The following FAM107B variants were observed in gnomAD, a reference collection of about 807,000 sequenced individuals.
The protein encoded by FAM107B is family with sequence similarity 107 member B, also known as protein FAM107B.
Under a neutral mutation model 31.5 loss-of-function variants are expected in FAM107B, and 21 were observed. The observed-to-expected ratio is 0.67, with a 90% confidence interval of 0.47 to 0.96. The LOEUF (loss-of-function observed/expected upper bound fraction) is 0.96, where lower values mean the gene tolerates loss of function less well. FAM107B is among the 40% of genes least tolerant of loss of function. FAM107B has a pLI of 0.00. For missense variants in FAM107B, 452 were observed against 377.1 expected (o/e 1.20, Z -1.64); for synonymous variants, 157 against 141.5 (o/e 1.11, Z -0.78).
chr10:14,666,837 A>T, intron 2 of FAM107B, among the ~76,000 whole-genome samples: 1 of 152,138 alleles, frequency 6.6e-6, no homozygotes, highest in African/African-American at 2.4e-5. Context: ...TCTATACCAG[A>T]GTAGGGTGCT....
intron 2 of FAM107B, among the ~76,000 whole-genome samples, chr10:14,629,449 T>TTTA (rs1853284913): frequency 5.3e-5 from 1 of 18,982 alleles, no homozygotes; most frequent in Non-Finnish European, 8.8e-5. Flanking sequence ...ATATATATTA[T>TTTA]ATATATATTA....
intron 1 of FAM107B, among the ~76,000 whole-genome samples, chr10:14,750,964 T>C (rs1482884078): frequency 2.6e-5 from 4 of 152,128 alleles, no homozygotes; most frequent in Non-Finnish European, 2.9e-5. Flanking sequence ...ATGGGGGAGC[T>C]TGGCCTCCAG....
chr10:14,766,640 C>T (rs990734349), intron 1 of FAM107B, among the ~76,000 whole-genome samples: 1 of 151,978 alleles, frequency 6.6e-6, no homozygotes, highest in Non-Finnish European at 1.5e-5. Context: ...TGTAAGAGGA[C>T]TAGCAGGATC....
chr10:14,582,489 G>C (rs1173670936), intron 2 of FAM107B, among the ~76,000 whole-genome samples: 1 of 144,460 alleles, frequency 6.9e-6, no homozygotes, highest in East Asian at 2.1e-4. Flanking sequence ...CAATTCTCCT[G>C]CCTCAGCCTC....
At chr10:14,562,539 AC>A (rs1224673102) in intron 2 of FAM107B, among the ~76,000 whole-genome samples, 2 of 152,256 alleles carry the variant, frequency 1.3e-5, no homozygotes, top group African/African-American at 4.8e-5. Context: ...ACAAAGAAAT[AC>A]AAACATGATG....
intron 2 of FAM107B, among the ~76,000 whole-genome samples, chr10:14,539,428 T>A (rs1277269445): frequency 6.6e-6 from 1 of 152,148 alleles, no homozygotes. Context: ...AAAGTCTGCA[T>A]CTTGGCTAAA....
At chr10:14,657,516 C>G (rs1462591837) in intron 2 of FAM107B, among the ~76,000 whole-genome samples, 4 of 152,190 alleles carry the variant, frequency 2.6e-5, no homozygotes, top group Non-Finnish European at 1.5e-5. Flanking sequence ...TCTTCACCCC[C>G]ACCCCTGGTC....
intron 1 of FAM107B, among the ~76,000 whole-genome samples, chr10:14,683,949 G>T (rs7088580): frequency 0.24 from 37,152 of 152,104 alleles, 5,204 homozygotes; most frequent in East Asian, 0.5. Context: ...CGTGTCTTAG[G>T]CCATTTGGGC....
At chr10:14,524,876 T>G (rs1447953805) in intron 3 of FAM107B, among the ~76,000 whole-genome samples, 1 of 152,260 alleles carries the variant, frequency 6.6e-6, no homozygotes, top group East Asian at 1.9e-4. Context: ...CACATTTGGC[T>G]GACACTCTAT....
intron 2 of FAM107B, chr10:14,604,488 T>C (rs181722085): frequency 0.24 from 36,901 of 150,832 alleles, 4,973 homozygotes; most frequent in East Asian, 0.4. Flanking sequence ...CGCCCCGCCC[T>C]GGCAGCCCCG....
At chr10:14,566,016 C>G (rs1159802415) in intron 2 of FAM107B, among the ~76,000 whole-genome samples, 4 of 152,236 alleles carry the variant, frequency 2.6e-5, no homozygotes, top group African/African-American at 9.6e-5. Context: ...GGGACCTTCA[C>G]AGCCCCCATG....
At chr10:14,712,314 G>A (rs140642844) in intron 1 of FAM107B, among the ~76,000 whole-genome samples, 323 of 152,136 alleles carry the variant, frequency 2.1e-3, no homozygotes, top group African/African-American at 6.9e-3. Context: ...AGTTGGGGCC[G>A]GGTGCGTGGC....
intron 2 of FAM107B, among the ~76,000 whole-genome samples, chr10:14,617,352 C>G (rs1431149963): frequency 2.6e-5 from 4 of 152,132 alleles, no homozygotes; most frequent in Admixed American, 2.6e-4. Flanking sequence ...GGGGGCCTTA[C>G]TGGTTTTAAT....
intron 1 of FAM107B, among the ~76,000 whole-genome samples, chr10:14,701,268 A>C (rs776691318): frequency 6.6e-6 from 1 of 151,978 alleles, no homozygotes; most frequent in Non-Finnish European, 1.5e-5. Context: ...TTTTTGAGAC[A>C]GACTCTCACT....
At chr10:14,587,329 T>A (rs1851877732) in intron 2 of FAM107B, among the ~76,000 whole-genome samples, 1 of 152,242 alleles carries the variant, frequency 6.6e-6, no homozygotes, top group Non-Finnish European at 1.5e-5. Context: ...TTTATTCTCA[T>A]GTATTTATGC....
chr10:14,563,797 T>C (rs1182489363), intron 2 of FAM107B, among the ~76,000 whole-genome samples: 2 of 152,324 alleles, frequency 1.3e-5, no homozygotes, highest in East Asian at 1.9e-4. Context: ...ACAGACTGAT[T>C]ACAGAAGCAG....
At chr10:14,604,487 C>G (rs1431218536) in intron 2 of FAM107B, 1 of 151,338 alleles carries the variant, frequency 6.6e-6, no homozygotes, top group African/African-American at 2.4e-5. Context: ...GCGCCCCGCC[C>G]TGGCAGCCCC....
In FAM107B at chr10:14,642,793, A is replaced by G. The variant is rs78051407; in HGVS notation, c.469+24841T>C. 7.8e-3 allele frequency among the ~76,000 whole-genome samples: 1,191 copies of G among 152,316 alleles called. 34 individuals are homozygous for G. Among genetic ancestry groups the G allele is most frequent in the Admixed American group, 0.044 (680 of 15,300 alleles). On this transcript the variant is annotated intron_variant, in intron 2 of 4. Coordinates refer to ENST00000181796, the MANE Select transcript of FAM107B (RefSeq NM_031453.4). ...AGAAAACTACTCAGCTAAATATCCA[A>G]TTTTGTCACTCACACATTCTGCCTT... is the stretch of plus-strand genomic sequence containing the variant.
At chr10:14,647,090 G>A (rs1485804678) in intron 2 of FAM107B, among the ~76,000 whole-genome samples, 1 of 151,852 alleles carries the variant, frequency 6.6e-6, no homozygotes, top group Admixed American at 6.6e-5. Context: ...CACTGTGCCC[G>A]GCTCCATTTT....
Sources: allele counts gnomAD v4.1 joint callset (sites outside exome capture counted in the v4.1 genomes callset), GRCh38; gene constraint gnomAD v4.1.1; transcripts MANE v1.5; gene names NCBI Gene and HGNC (gene_info 2026-07-23, HGNC 2026-07-21).